Variants in DYNC1H1 observed in about 807,000 individuals in gnomAD.
DYNC1H1 encodes the protein cytoplasmic dynein 1 heavy chain 1.
Under a neutral mutation model 527.1 loss-of-function variants are expected in DYNC1H1, and 51 were observed. That is an observed-to-expected ratio of 0.10 (90% confidence interval 0.08 to 0.12). DYNC1H1 has a LOEUF of 0.12. DYNC1H1 is among the 10% of genes least tolerant of loss of function. DYNC1H1 has a pLI of 1.00. For synonymous variants in DYNC1H1, 2,189 were observed against 2,278.8 expected, an observed-to-expected ratio of 0.96 and a Z score of 1.12; for missense variants, 2,771 against 5,971.8, an observed-to-expected ratio of 0.46 and a Z score of 17.66.
chr14:102,025,195 AG>A (rs2048434542), intron 43 of DYNC1H1, among the ~76,000 whole-genome samples: 1 of 151,886 alleles, frequency 6.6e-6, no homozygotes, highest in Non-Finnish European at 1.5e-5. Context: ...TCACGAGGTC[AG>A]GAGTTCAAGA....
chr14:101,987,981 G>C (rs1272692860), intron 9 of DYNC1H1, among the ~76,000 whole-genome samples: 1 of 152,154 alleles, frequency 6.6e-6, no homozygotes, highest in East Asian at 1.9e-4. Flanking sequence ...AGGAAACTGA[G>C]GCGGGAGGAT....
chr14:101,993,583 G>A (rs567889312), intron 11 of DYNC1H1, among the ~76,000 whole-genome samples: 7 of 152,056 alleles, frequency 4.6e-5, no homozygotes, highest in Non-Finnish European at 5.9e-5. Flanking sequence ...TTGCCCCTGC[G>A]CCTTCACATT....
chr14:101,994,883 G>A, intron 13 of DYNC1H1, 34 bp downstream of exon 13: 3 of 1,614,064 alleles, frequency 1.9e-6, no homozygotes, highest in Non-Finnish European at 2.5e-6. Flanking sequence ...AGGTGTCACG[G>A]GTAGTGTAAA....
chr14:101,980,206 G>A (rs767676461), intron 4 of DYNC1H1, among the ~76,000 whole-genome samples, 158 bp from the exon 5 acceptor site: 7 of 152,128 alleles, frequency 4.6e-5, no homozygotes, highest in South Asian at 2.1e-4. Flanking sequence ...CTCAGCAGTC[G>A]TATACCTTTG....
chr14:102,017,199 C>G lies in DYNC1H1; in HGVS notation c.7960C>G (p.Gln2654Glu). 1 of 1,614,234 alleles carries G rather than the reference C, an allele frequency of 6.2e-7. No individual in the cohort carries two copies. The highest frequency in any genetic ancestry group is 1.1e-5 in the South Asian group (1 of 91,070). Residue 2654 changes from glutamine to glutamate, a missense_variant, in exon 39 of 78, where the codon CAA becomes GAA. Coordinates refer to ENST00000360184, the MANE Select transcript of DYNC1H1 (RefSeq NM_001376.5). This position sits in a 1 kb window ranked among gnomAD's most constrained non-coding sequence, Gnocchi z 4.6. ...TAATGGGGTGGTTTTGGCTCCTGTT[C>G]AACTTGGAAAGTGGCTGGTGTTGTT... The part of the protein sequence containing the change: ...TPNGVVLAPV[Q>E]LGKWLVLFCD...
chr14:102,005,341 G>C lies in DYNC1H1; in HGVS notation c.5433+105G>C. 1 of 1,432,534 alleles carries C rather than the reference G, an allele frequency of 7.0e-7. No individual in the cohort carries two copies. Among genetic ancestry groups the C allele is most frequent in the Non-Finnish European group, 9.7e-7 (1 of 1,025,724 alleles). The allele number at this position is 1,432,534 out of a possible 1,614,324, so 88.7% of individuals were successfully genotyped here. On this transcript the variant is annotated intron_variant, in intron 26 of 77. Transcript: ENST00000360184. The surrounding 1 kb of genome is among the most constrained non-coding windows in gnomAD (Gnocchi z 4.0). ...GAAAAAGGTTTCAGGTAGTATCAAG[G>C]AGAACAGTGGATGGTGTATGGATAT...
chr14:101,987,289 G>A (rs889396791), intron 8 of DYNC1H1, among the ~76,000 whole-genome samples, 164 bp from the exon 9 acceptor site: 3 of 152,246 alleles, frequency 2.0e-5, no homozygotes, highest in African/African-American at 7.2e-5. Flanking sequence ...AAGGACATGC[G>A]AGTGGGGATT....
chr14:102,008,386 T>A, intron 29 of DYNC1H1, 49 bp downstream of exon 29: 1 of 1,604,636 alleles, frequency 6.2e-7, no homozygotes, highest in East Asian at 2.2e-5. Flanking sequence ...AGAGGGAAAT[T>A]CCCTAGTGAA....
intron 64 of DYNC1H1, chr14:102,040,986 A>G (rs538897827): frequency 4.4e-6 from 2 of 455,988 alleles, no homozygotes; most frequent in East Asian, 9.0e-5. Flanking sequence ...TCCCAAGATA[A>G]GTATTTCAAT....
chr14:102,044,153 T>TA lies in DYNC1H1; in HGVS notation c.12684+108_12684+109insA. ...CTGCGTGGAAGAGCGAGCTGACCCC[T>TA]CGTGACCGCCAAAGCCTAGCTGGCC... On this transcript the variant is annotated intron_variant, in intron 70 of 77. Transcript: ENST00000360184. This position sits in a 1 kb window ranked among gnomAD's most constrained non-coding sequence, Gnocchi z 7.1. 5.7e-6 allele frequency: 9 copies of TA among 1,582,346 alleles called. No homozygotes were observed. Among genetic ancestry groups the TA allele is most frequent in the Non-Finnish European group, 7.7e-6 (9 of 1,167,452 alleles).
chr14:101,971,167 A>G (rs2047734705), intron 1 of DYNC1H1, among the ~76,000 whole-genome samples: 1 of 129,290 alleles, frequency 7.7e-6, no homozygotes, highest in South Asian at 2.3e-4. Context: ...CTGCAGTCTC[A>G]GCTCACTGCA....
In DYNC1H1 at chr14:102,000,416, G is replaced by A. The variant is rs1423045892; in HGVS notation, c.4074+17G>A. 1 of 1,611,490 alleles carries A rather than the reference G, an allele frequency of 6.2e-7. No homozygotes were observed. Among genetic ancestry groups the A allele is most frequent in the Non-Finnish European group, 8.5e-7 (1 of 1,177,672 alleles). The stretch of plus-strand genomic sequence containing the variant: ...CCTCGAAAGGTATATCATGAAATCG[G>A]TGTTTGTGTACGTCTATTTTAACAG... On this transcript the variant is annotated intron_variant, in intron 18 of 77. Transcript: ENST00000360184.
At chr14:101,987,737 G>A in intron 9 of DYNC1H1, 105 bp downstream of exon 9, 1 of 1,327,370 alleles carries the variant, frequency 7.5e-7, no homozygotes, top group Non-Finnish European at 1.1e-6. Context: ...GAAATTATCT[G>A]TGATAGTTCA....
rs987694925 is a variant in DYNC1H1, at chr14:102,056,029, G to A, written c.*5466G>A. 1 of 152,204 alleles carries A rather than the reference G, an allele frequency of 6.6e-6. No individual in the cohort carries two copies. 9.4% of individuals were successfully genotyped at this position (152,204 alleles called of 1,614,324 possible). A position where few individuals can be genotyped will look rare whatever the true frequency, so the allele number is the denominator to read the frequency against. On this transcript the variant is annotated 3_prime_UTR_variant, in exon 78 of 78. Coordinates refer to ENST00000360184, the MANE Select transcript of DYNC1H1 (RefSeq NM_001376.5). ...CCTCAGGAGGTCCTGACTGGGGGGA[G>A]AGAGACCCTCTCATATTGTTTTATA... is the stretch of plus-strand genomic sequence containing the variant.
At position 102,010,160 on chromosome 14, in the gene DYNC1H1, T is replaced by G; in HGVS notation, c.6221+74T>G. On this transcript the variant is annotated intron_variant, in intron 30 of 77. Coordinates refer to ENST00000360184, the MANE Select transcript of DYNC1H1 (RefSeq NM_001376.5). The surrounding 1 kb of genome is among the most constrained non-coding windows in gnomAD (Gnocchi z 6.0). ...TGTGTCCATTTAACCTTAAAATTTT[T>G]ATATGTAATGATGGTACGTCTTTCA... 7 of 1,612,572 alleles carry G rather than the reference T, an allele frequency of 4.3e-6. No individual in the cohort carries two copies. Among genetic ancestry groups the G allele is most frequent in the Non-Finnish European group, 5.9e-6 (7 of 1,179,478 alleles).
Position 102,000,033 on chromosome 14 carries a change from T to C in DYNC1H1, c.3849T>C (p.Tyr1283=), listed in dbSNP as rs201658297. Residue 1283 remains tyrosine (Y), a synonymous_variant, in exon 17 of 78, where the codon TAT becomes TAC. Transcript: ENST00000360184. The part of the protein sequence containing the change: ...PEEALQALTI[Y]EGKFGRLKDD... ...AGGCACTTCAGGCTCTCACCATATA[T>C]GAGGGGAAGTTTGGTAGGCTGAAGG... The C allele has an allele frequency of 3.1e-6, 5 of 1,614,070 alleles. 1 individual carries two copies. In the African/African-American group the frequency reaches 6.7e-5, roughly 22 times the overall value.
chr14:101,994,084 T>A, intron 11 of DYNC1H1, 100 bp from the exon 12 acceptor site: 1 of 1,582,916 alleles, frequency 6.3e-7, no homozygotes, highest in Non-Finnish European at 8.7e-7. Flanking sequence ...ATTTTGGTCA[T>A]GAGCTTTTCT....
In DYNC1H1 at chr14:102,004,885, G is replaced by C; in HGVS notation, c.5173G>C (p.Glu1725Gln). Reference sequence around the variant, plus strand: ...GCTTGCTGAGTCTGTTACGGAAGTTGAGATTTTTGGTAAAGCAACTTCAAT... The same window carrying C: ...GCTTGCTGAGTCTGTTACGGAAGTTCAGATTTTTGGTAAAGCAACTTCAAT... ...KLLAESVTEVEIFGKATSIDP... is the reference protein window; with the variant it reads ...KLLAESVTEVQIFGKATSIDP... Residue 1725 changes from glutamate (E) to glutamine (Q), a missense_variant, in exon 25 of 78, where the codon GAG becomes CAG. Coordinates refer to ENST00000360184, the MANE Select transcript of DYNC1H1 (RefSeq NM_001376.5). 6.2e-7 allele frequency: 1 copy of C among 1,614,240 alleles called. No individual in the cohort carries two copies. The highest frequency in any genetic ancestry group is 8.5e-7 in the Non-Finnish European group (1 of 1,180,052).
In DYNC1H1 at chr14:102,036,918, T is replaced by TA; in HGVS notation, c.10908+279dup. ...GTCAGGAATTCAAGAAAAGCCTGGC[T>TA]AAACCCCATCTCTACAAAAAATACA... On this transcript the variant is annotated intron_variant, in intron 57 of 77. Transcript: ENST00000360184. The surrounding 1 kb of genome is among the most constrained non-coding windows in gnomAD (Gnocchi z 5.6). 1 of 379,078 alleles carries TA rather than the reference T, an allele frequency of 2.6e-6. No individual in the cohort carries two copies. The highest frequency in any genetic ancestry group is 2.1e-5 in the South Asian group (1 of 47,042). 23.5% of individuals were successfully genotyped at this position (379,078 alleles called of 1,614,324 possible).
Sources: allele counts gnomAD v4.1 joint callset (sites outside exome capture counted in the v4.1 genomes callset), GRCh38; gene constraint gnomAD v4.1.1; non-coding constraint Gnocchi (gnomAD v3.1); transcripts MANE v1.5; gene names NCBI Gene and HGNC (gene_info 2026-07-23, HGNC 2026-07-21).